The following WDR64 variants were observed in gnomAD, a reference collection of about 807,000 sequenced individuals.
The protein encoded by WDR64 is WD repeat-containing protein 64.
Under a neutral mutation model 139.3 loss-of-function variants are expected in WDR64, and 112 were observed. The ratio of observed to expected loss-of-function variants is 0.80; its 90% CI spans 0.69 to 0.94. The LOEUF (loss-of-function observed/expected upper bound fraction) is 0.94, where lower values mean the gene tolerates loss of function less well. Ranked by LOEUF, WDR64 falls within the 40% of genes least tolerant of loss-of-function variation. The pLI is 0.00. For missense variants in WDR64, 1,206 were observed against 1,293.1 expected, an observed-to-expected ratio of 0.93 and a Z score of 1.03; for synonymous variants, 444 against 437.7, an observed-to-expected ratio of 1.01 and a Z score of -0.18.
At position 241,790,583 on chromosome 1, in the gene WDR64, AT is replaced by A. The variant is rs1387454721; in HGVS notation, c.2892-7del. 2 of 1,601,858 alleles carry A rather than the reference AT, an allele frequency of 1.2e-6. No individual in the cohort carries two copies. Among genetic ancestry groups the A allele is most frequent in the Non-Finnish European group, 1.7e-6 (2 of 1,174,662 alleles). ...GGTATGTACTTATTCTTGTATCTTTATATGCAGATGGAGAAAAATGAGCTCA... is the reference window on the plus strand; with the variant it reads ...GGTATGTACTTATTCTTGTATCTTTAATGCAGATGGAGAAAAATGAGCTCA... On this transcript the variant is annotated splice_polypyrimidine_tract_variant and splice_region_variant and intron_variant, in intron 24 of 27. Coordinates refer to ENST00000437684, the MANE Select transcript of WDR64 (RefSeq NM_001367482.1).
chr1:241,785,044 T>G (rs1658990587), intron 23 of WDR64, among the ~76,000 whole-genome samples: 1 of 151,744 alleles, frequency 6.6e-6, no homozygotes, highest in Admixed American at 6.6e-5. Flanking sequence ...TATAGATGTT[T>G]TTAACAACTC....
At chr1:241,731,203 T>G (rs991981703) in intron 10 of WDR64, among the ~76,000 whole-genome samples, 1 of 152,062 alleles carries the variant, frequency 6.6e-6, no homozygotes, top group Non-Finnish European at 1.5e-5. Context: ...CAGAATACTA[T>G]TCAGCCATTA....
intron 9 of WDR64, among the ~76,000 whole-genome samples, chr1:241,716,555 T>A (rs1384497584): frequency 2.0e-5 from 3 of 152,146 alleles, no homozygotes; most frequent in African/African-American, 7.2e-5. Flanking sequence ...ATTAACCTTA[T>A]AAAGGTCAGG....
rs1191639271 is a variant in WDR64, at chr1:241,674,915, T to C, written c.483+168T>C. On this transcript the variant is annotated intron_variant, in intron 4 of 27. Coordinates refer to ENST00000437684, the MANE Select transcript of WDR64 (RefSeq NM_001367482.1). ...CTTTTATTTCCTTCCTCTTATTCCT[T>C]CCTTCCTTCTTTCCTTCCTCCCTCC... Among the ~76,000 whole-genome samples, 20 of 28,678 alleles carry C rather than the reference T, an allele frequency of 7.0e-4. 6 individuals are homozygous for C. The highest frequency in any genetic ancestry group is 1.2e-3 in the East Asian group (2 of 1,634). 18.8% of individuals were successfully genotyped at this position (28,678 alleles called of 152,430 possible).
At chr1:241,687,635 T>G (rs757148709) in intron 8 of WDR64, 40 bp downstream of exon 8, 1 of 1,554,034 alleles carries the variant, frequency 6.4e-7, no homozygotes, top group Admixed American at 2.0e-5. Flanking sequence ...GTCTGTGAAT[T>G]TCAAGCTTTT....
chr1:241,653,525 ATTCTTTTCTT>A (rs200638081), intron 1 of WDR64, among the ~76,000 whole-genome samples: 3 of 143,620 alleles, frequency 2.1e-5, no homozygotes, highest in African/African-American at 2.5e-5. Context: ...AGTTACCCAA[ATTCTTTTCTT>A]TTCTTTTCTT....
chr1:241,665,610 A>G (rs1414269869), intron 2 of WDR64, among the ~76,000 whole-genome samples: 4 of 152,316 alleles, frequency 2.6e-5, no homozygotes, highest in Admixed American at 6.5e-5. Flanking sequence ...GAAATCTTAT[A>G]ACTCACCTAA....
At chr1:241,691,651 C>T (rs146075038) in intron 8 of WDR64, among the ~76,000 whole-genome samples, 45 of 152,286 alleles carry the variant, frequency 3.0e-4, no homozygotes, top group African/African-American at 1.0e-3. Flanking sequence ...CATGTTTGCA[C>T]AATACAAGGT....
chr1:241,663,710 A>G (rs562951641), intron 2 of WDR64, among the ~76,000 whole-genome samples: 2 of 152,374 alleles, frequency 1.3e-5, no homozygotes, highest in Admixed American at 1.3e-4. Context: ...TTACATTTAA[A>G]TTAAATTAGA....
chr1:241,734,919 A>G (rs12029426), intron 10 of WDR64, among the ~76,000 whole-genome samples: 23,944 of 152,094 alleles, frequency 0.16, 2,187 homozygotes, highest in East Asian at 0.28. Context: ...TGACAAAATC[A>G]CCTAAGGACA....
At chr1:241,709,837 T>G (rs12088920) in intron 8 of WDR64, among the ~76,000 whole-genome samples, 34,130 of 152,080 alleles carry the variant, frequency 0.22, 4,805 homozygotes, top group African/African-American at 0.38. Context: ...TTTCACAAGA[T>G]ACTGTTTATT....
chr1:241,707,717 C>G (rs914348225), intron 8 of WDR64, among the ~76,000 whole-genome samples: 1 of 152,214 alleles, frequency 6.6e-6, no homozygotes, highest in Non-Finnish European at 1.5e-5. Context: ...ACGCCATCCA[C>G]AAAGGCTGCA....
chr1:241,766,303 A>T lies in WDR64; in HGVS notation c.2033A>T (p.Asn678Ile), dbSNP rs149144581. 8 of 1,614,026 alleles carry T rather than the reference A, an allele frequency of 5.0e-6. No homozygotes were observed. The African/African-American group carries it at 1.1e-4, about 22-fold the overall frequency. ...AATTTGATAGCAGCTGGAACCTTAAATGGTGTGATCATCTTATGGAATTTT... is the reference window on the plus strand; with the variant it reads ...AATTTGATAGCAGCTGGAACCTTAATTGGTGTGATCATCTTATGGAATTTT... ...GYNLIAAGTL[N>I]GVIILWNFVT... Residue 678 changes from asparagine (N) to isoleucine (I), a missense_variant, in exon 16 of 28, where the codon AAT becomes ATT. By Grantham distance (149) the Asn-to-Ile change is moderately radical. Coordinates refer to ENST00000437684, the MANE Select transcript of WDR64 (RefSeq NM_001367482.1).
intron 9 of WDR64, among the ~76,000 whole-genome samples, chr1:241,714,017 G>A (rs1160847040): frequency 6.6e-6 from 1 of 152,202 alleles, no homozygotes; most frequent in Non-Finnish European, 1.5e-5. Context: ...GAACTTAAAT[G>A]TCAAGTGTTG....
chr1:241,691,928 G>A (rs1253424338), intron 8 of WDR64, among the ~76,000 whole-genome samples: 1 of 151,838 alleles, frequency 6.6e-6, no homozygotes, highest in Non-Finnish European at 1.5e-5. Flanking sequence ...TGGGAGAATT[G>A]CTTGAACCCA....
At chr1:241,679,730 T>G (rs1310395053) in intron 6 of WDR64, 135 bp downstream of exon 6, 9 of 710,544 alleles carry the variant, frequency 1.3e-5, no homozygotes, top group Admixed American at 2.6e-5. Flanking sequence ...AGTAATCTCT[T>G]AGATCAAGTT....
At chr1:241,691,704 A>T (rs1025224404) in intron 8 of WDR64, among the ~76,000 whole-genome samples, 2 of 152,220 alleles carry the variant, frequency 1.3e-5, no homozygotes, top group Non-Finnish European at 2.9e-5. Context: ...CTAACAATTA[A>T]CAAGTGGCAT....
intron 13 of WDR64, among the ~76,000 whole-genome samples, chr1:241,748,584 G>A (rs1473288732): frequency 6.6e-6 from 1 of 152,068 alleles, no homozygotes; most frequent in African/African-American, 2.4e-5. Context: ...ATGACCTAAT[G>A]ATCTCCAAAC....
chr1:241,769,360 T>A, intron 16 of WDR64, 44 bp from the exon 17 acceptor site: 1 of 1,471,058 alleles, frequency 6.8e-7, no homozygotes, highest in South Asian at 1.2e-5. Flanking sequence ...GTAAGCTCCA[T>A]AATTTGTGAA....
Sources: gnomAD v4.1 joint callset for allele counts (sites outside exome capture counted in the v4.1 genomes callset) on GRCh38, gnomAD v4.1.1 for gene constraint, MANE v1.5 for transcripts, NCBI Gene and HGNC (gene_info 2026-07-23, HGNC 2026-07-21) for gene names.